The following GALNT3 variants were observed in gnomAD, a reference collection of about 807,000 sequenced individuals.
The protein encoded by GALNT3 is polypeptide N-acetylgalactosaminyltransferase 3, also known as GalNAc transferase 3.
In GALNT3, 51 loss-of-function variants were observed where a neutral mutation model predicts 69.8. The ratio of observed to expected loss-of-function variants is 0.73; its 90% CI spans 0.58 to 0.92. The LOEUF is 0.92. GALNT3 is among the 40% of genes least tolerant of loss of function. The pLI, the probability that GALNT3 is intolerant of heterozygous loss-of-function variation, is 0.00. For missense variants in GALNT3, 711 were observed against 760.0 expected (o/e 0.94, Z 0.76); for synonymous variants, 265 against 248.5 (o/e 1.07, Z -0.63).
chr2:165,769,407 A>AAATAATAATAAT (rs35161167), intron 2 of GALNT3, among the ~76,000 whole-genome samples: 2,274 of 131,348 alleles, frequency 0.017, 20 homozygotes, highest in Middle Eastern at 0.031. Flanking sequence ...CTCCATCTCA[A>AAATAATAATAAT]AATAATAATA....
intron 1 of GALNT3, among the ~76,000 whole-genome samples, chr2:165,789,443 T>C (rs1369732344): frequency 6.6e-6 from 1 of 152,208 alleles, no homozygotes; most frequent in Admixed American, 6.5e-5. Context: ...ATATGAATTT[T>C]GGAAAAACAC....
At chr2:165,766,153 T>C (rs957781588) in intron 2 of GALNT3, among the ~76,000 whole-genome samples, 16 of 152,276 alleles carry the variant, frequency 1.1e-4, no homozygotes, top group African/African-American at 3.9e-4. Context: ...GTGTTAAAGA[T>C]TTTGCTCCAA....
Position 165,754,934 on chromosome 2 carries a change from A to G in GALNT3, c.1522T>C (p.Tyr508His). The G allele has an allele frequency of 3.1e-6, 5 of 1,613,564 alleles. No homozygotes were observed. The highest frequency in any genetic ancestry group is 4.2e-6 in the Non-Finnish European group (5 of 1,179,620). ...VPDLNPVISG[Y>H]IKSVGQPLCL... The stretch of plus-strand genomic sequence containing the variant: ...AAAAGGAACAGGAAAATACTCACGT[A>G]TCCAGATATAACAGGATTAAGGTCT... Residue 508 changes from tyrosine (Y) to histidine (H), a missense_variant and splice_region_variant, in exon 8 of 11, where the codon TAC becomes CAC. Tyr to His is a moderately conservative substitution (Grantham distance 83). Coordinates refer to ENST00000392701, the MANE Select transcript of GALNT3 (RefSeq NM_004482.4).
chr2:165,749,683 G>C lies in GALNT3; in HGVS notation c.1779+59C>G, dbSNP rs1688321006. 4 of 1,424,644 alleles carry C rather than the reference G, an allele frequency of 2.8e-6. No homozygotes were observed. In the Admixed American group the frequency reaches 6.7e-5, roughly 24 times the overall value. 88.3% of individuals were successfully genotyped at this position (1,424,644 alleles called of 1,614,324 possible). On this transcript the variant is annotated intron_variant, in intron 10 of 10. Coordinates refer to ENST00000392701, the MANE Select transcript of GALNT3 (RefSeq NM_004482.4). ...GTACCATGTTCCACTCATTTTCCCA[G>C]ATAAGCAAGTAGAGCTAAGAAAAAT...
intron 4 of GALNT3, 67 bp downstream of exon 4, chr2:165,761,838 C>G: frequency 6.4e-7 from 1 of 1,553,042 alleles, no homozygotes; most frequent in Non-Finnish European, 8.9e-7. Flanking sequence ...AAAAGACTTC[C>G]TTACCTTTTA....
rs765969662 is a variant in GALNT3, at chr2:165,770,616, A to C, written c.85T>G (p.Phe29Val). ...ATTAAAACCAAAACTATTATAAAGA[A>C]AAAAATTACTGCACCAAGCTTCCAG... is the stretch of plus-strand genomic sequence containing the variant. ...KFWKLGAVIF[F>V]FIIVLVLMQR... The change falls in exon 2 of 11, where the codon TTC (phenylalanine) becomes GTC (valine). Residue 29 changes from phenylalanine to valine, a missense_variant. Coordinates refer to ENST00000392701, the MANE Select transcript of GALNT3 (RefSeq NM_004482.4). 2 of 1,602,280 alleles carry C rather than the reference A, an allele frequency of 1.2e-6. No homozygotes were observed. The highest frequency in any genetic ancestry group is 3.4e-5 in the Admixed American group (2 of 58,138).
chr2:165,789,704 T>TA (rs34701222), intron 1 of GALNT3, among the ~76,000 whole-genome samples: 16 of 149,812 alleles, frequency 1.1e-4, no homozygotes, highest in African/African-American at 3.2e-4. Flanking sequence ...CCTTGTCTCA[T>TA]AAAAAAAAAA....
chr2:165,782,645 T>A (rs1248768827), intron 1 of GALNT3, among the ~76,000 whole-genome samples: 2 of 152,126 alleles, frequency 1.3e-5, no homozygotes, highest in Non-Finnish European at 2.9e-5. Flanking sequence ...GAGCTAAGAC[T>A]CCATTTGTTA....
Position 165,757,168 on chromosome 2 carries a change from C to T in GALNT3, c.1271G>A (p.Ser424Asn). The change falls in exon 7 of 11, where the codon AGC becomes AAC. Residue 424 changes from serine (S) to asparagine (N), a missense_variant. Transcript: ENST00000392701. ...AATCACCTGAGTGCCTTTTGGAAAG[C>T]TATGAGGGCTTTTGCTGCGAAAAAC... ...GHVFRSKSPH[S>N]FPKGTQVIAR... 4 of 1,614,076 alleles carry T rather than the reference C, an allele frequency of 2.5e-6. No homozygotes were observed. Among genetic ancestry groups the T allele is most frequent in the Non-Finnish European group, 3.4e-6 (4 of 1,179,960 alleles).
chr2:165,791,597 C>G (rs1683352815), intron 1 of GALNT3, among the ~76,000 whole-genome samples: 1 of 151,946 alleles, frequency 6.6e-6, no homozygotes, highest in African/African-American at 2.4e-5. Context: ...TTTAAAGAAA[C>G]TTAGTGTTAA....
In GALNT3 at chr2:165,758,817, A is replaced by G. The variant is rs964516933; in HGVS notation, c.1121T>C (p.Phe374Ser). 1 of 1,611,544 alleles carries G rather than the reference A, an allele frequency of 6.2e-7. No individual in the cohort carries two copies. The highest frequency in any genetic ancestry group is 1.3e-5 in the African/African-American group (1 of 74,870). ...GGLFSISKEY[F>S]EYIGSYDEEM... ...TTCATCATAGCTTCCAATATACTCA[A>G]AATATTCTTTTGATATGGAAAAAAG... Residue 374 changes from phenylalanine (F) to serine (S), a missense_variant, in exon 6 of 11, where the codon TTT becomes TCT. Physicochemically the swap from Phe to Ser is radical, Grantham distance 155 (BLOSUM62 -2). Transcript: ENST00000392701.
In GALNT3 at chr2:165,748,864, A is replaced by C. The variant is rs1239923940; in HGVS notation, c.1819T>G (p.Ser607Ala). 6.2e-6 allele frequency: 10 copies of C among 1,611,338 alleles called. No individual in the cohort carries two copies. The highest frequency in any genetic ancestry group is 7.6e-6 in the Non-Finnish European group (9 of 1,178,220). The part of the protein sequence containing the change: ...LYNPFLKMCL[S>A]ANGEHPSLVS... Reference sequence around the variant, plus strand: ...AAACTTGGATGCTCTCCATTTGCTGAAAGGCACATTTTTAAGAATGGATTG... The same window carrying C: ...AAACTTGGATGCTCTCCATTTGCTGCAAGGCACATTTTTAAGAATGGATTG... The change falls in exon 11 of 11, where the codon TCA (serine) becomes GCA (alanine). Residue 607 changes from serine to alanine, a missense_variant. By Grantham distance (99) the Ser-to-Ala change is moderately conservative (BLOSUM62 1). Coordinates refer to ENST00000392701, the MANE Select transcript of GALNT3 (RefSeq NM_004482.4).
Position 165,788,505 on chromosome 2 carries a change from G to GTGTGTA in GALNT3, c.-109+5509_-109+5510insTACACA, listed in dbSNP as rs1488993400. Among the ~76,000 whole-genome samples the GTGTGTA allele has an allele frequency of 4.7e-5, 7 of 147,896 alleles. No homozygotes were observed. The South Asian group carries it at 1.5e-3, about 31-fold the overall frequency. On this transcript the variant is annotated intron_variant, in intron 1 of 10. Coordinates refer to ENST00000392701, the MANE Select transcript of GALNT3 (RefSeq NM_004482.4). The stretch of plus-strand genomic sequence containing the variant: ...TGTGTGTGTGTGTGTGTGTGTGTGT[G>GTGTGTA]TATACAGACAAGAGCAAAAGCAGAC...
intron 1 of GALNT3, among the ~76,000 whole-genome samples, chr2:165,782,392 CAAAAA>C (rs11351097): frequency 6.8e-6 from 1 of 146,272 alleles, no homozygotes; most frequent in Non-Finnish European, 1.5e-5. Context: ...AAAAGAATTA[CAAAAA>C]AAAAAAAAAT....
intron 9 of GALNT3, among the ~76,000 whole-genome samples, chr2:165,752,012 T>C (rs1227882315): frequency 6.6e-6 from 1 of 152,198 alleles, no homozygotes; most frequent in African/African-American, 2.4e-5. Flanking sequence ...ATAATATTTA[T>C]TCTTCTGCTC....
At chr2:165,768,169 A>G (rs1688681619) in intron 2 of GALNT3, among the ~76,000 whole-genome samples, 1 of 152,196 alleles carries the variant, frequency 6.6e-6, no homozygotes, top group African/African-American at 2.4e-5. Flanking sequence ...ACAAATCTTT[A>G]CCACCTGTAC....
In GALNT3 at chr2:165,754,392, CTT is replaced by C. The variant is rs137893523; in HGVS notation, c.1626+233_1626+234del. Among the ~76,000 whole-genome samples, 50,647 of 61,002 alleles carry C rather than the reference CTT, an allele frequency of 0.83. 21,637 individuals are homozygous for C. The highest frequency in any genetic ancestry group is 0.94 in the South Asian group (1,227 of 1,312). 40.0% of individuals were successfully genotyped at this position (61,002 alleles called of 152,430 possible). On this transcript the variant is annotated intron_variant, in intron 9 of 10. Coordinates refer to ENST00000392701, the MANE Select transcript of GALNT3 (RefSeq NM_004482.4). ...GGCGTGAGCCACTCAGCTCGGCCTC[CTT>C]TTTTTTTTTTTTTTTTTTTTTTTAA...
At chr2:165,788,542 C>T (rs1574020081) in intron 1 of GALNT3, among the ~76,000 whole-genome samples, 2 of 147,578 alleles carry the variant, frequency 1.4e-5, no homozygotes, top group South Asian at 2.1e-4. Context: ...ATATTTATAT[C>T]GTATCAAGCA....
At chr2:165,749,556 C>T (rs895816414) in intron 10 of GALNT3, among the ~76,000 whole-genome samples, 186 bp downstream of exon 10, 1 of 152,044 alleles carries the variant, frequency 6.6e-6, no homozygotes, top group Non-Finnish European at 1.5e-5. Context: ...TTTTTTGTTA[C>T]TAAGAGTACT....
Sources: allele counts gnomAD v4.1 joint callset (sites outside exome capture counted in the v4.1 genomes callset), GRCh38; gene constraint gnomAD v4.1.1; transcripts MANE v1.5; gene names NCBI Gene and HGNC (gene_info 2026-07-23, HGNC 2026-07-21).